The following TENM4 variants were observed in gnomAD, a reference collection of about 807,000 sequenced individuals.
The protein encoded by TENM4 is teneurin-4.
A neutral mutation model predicts 243.3 loss-of-function variants in TENM4; 82 were observed. That is an observed-to-expected ratio of 0.34 (90% CI 0.28 to 0.40). The LOEUF (loss-of-function observed/expected upper bound fraction) is 0.40. TENM4 is among the 10% of genes least tolerant of loss of function. TENM4 has a pLI of 1.00. For synonymous variants in TENM4, 1,412 were observed against 1,456.3 expected (o/e 0.97, Z 0.69); for missense variants, 3,138 against 3,673.3 (o/e 0.85, Z 3.77).
chr11:78,761,376 A>G (rs547010604), intron 18 of TENM4, among the ~76,000 whole-genome samples: 112 of 152,024 alleles, frequency 7.4e-4, no homozygotes, highest in African/African-American at 2.7e-3. Context: ...TGTAGCTGGG[A>G]CTACAGGCAC....
intron 3 of TENM4, among the ~76,000 whole-genome samples, chr11:79,189,589 C>T (rs1475893172): frequency 1.3e-5 from 2 of 152,222 alleles, no homozygotes; most frequent in South Asian, 2.1e-4. Context: ...TCATTTAGCA[C>T]TACTCTCTCT....
rs115886379 is a variant in TENM4, at chr11:78,770,268, G to C, written c.2539+724C>G. 7.1e-3 allele frequency among the ~76,000 whole-genome samples: 1,088 copies of C among 152,256 alleles called. 7 individuals carry two copies. Among genetic ancestry groups the C allele is most frequent in the African/African-American group, 0.025 (1,041 of 41,532 alleles). On this transcript the variant is annotated intron_variant, in intron 18 of 33. Transcript: ENST00000278550. ...ACAGAAAAATGAAGGCTAATTCTAC[G>C]ACTAAGATAAGGACTGAAATGGTAC...
At chr11:79,291,985 C>T (rs2135383062) in intron 2 of TENM4, among the ~76,000 whole-genome samples, 1 of 152,256 alleles carries the variant, frequency 6.6e-6, no homozygotes, top group Admixed American at 6.5e-5. Flanking sequence ...CCTAGTCCTG[C>T]CCAGGTCGTC....
intron 6 of TENM4, among the ~76,000 whole-genome samples, chr11:79,055,054 G>C (rs1401496459): frequency 1.3e-5 from 2 of 150,378 alleles, no homozygotes; most frequent in South Asian, 4.2e-4. Flanking sequence ...TTGAACCCAG[G>C]ATGCAGAGGT....
At chr11:78,955,576 G>A (rs78191407) in intron 6 of TENM4, among the ~76,000 whole-genome samples, 10,761 of 152,202 alleles carry the variant, frequency 0.071, 665 homozygotes, top group East Asian at 0.25. Flanking sequence ...ACATGGAAAA[G>A]TGTTATTTTT....
chr11:78,945,743 GC>G (rs1307725880), intron 6 of TENM4, among the ~76,000 whole-genome samples: 1 of 152,088 alleles, frequency 6.6e-6, no homozygotes, highest in African/African-American at 2.4e-5. Flanking sequence ...TGATAAGAAG[GC>G]AAAACAGCCT....
intron 2 of TENM4, among the ~76,000 whole-genome samples, chr11:79,258,946 C>A (rs375507672): frequency 2.6e-5 from 4 of 152,174 alleles, no homozygotes; most frequent in Admixed American, 6.5e-5. Flanking sequence ...TGGCCCCCCC[C>A]ACCTACTAGC....
chr11:78,795,726 C>T (rs372444285), intron 15 of TENM4, among the ~76,000 whole-genome samples: 3 of 152,128 alleles, frequency 2.0e-5, no homozygotes, highest in Admixed American at 1.3e-4. Context: ...TCCCACAGAC[C>T]AGATCTCCAT....
At chr11:79,330,453 G>T (rs1857043906) in intron 1 of TENM4, among the ~76,000 whole-genome samples, 1 of 152,186 alleles carries the variant, frequency 6.6e-6, no homozygotes, top group Admixed American at 6.5e-5. Flanking sequence ...TGGGCTCTCT[G>T]AGAGTTGATC....
At chr11:79,296,034 T>C (rs1418157515) in intron 2 of TENM4, among the ~76,000 whole-genome samples, 2 of 151,958 alleles carry the variant, frequency 1.3e-5, no homozygotes, top group Non-Finnish European at 2.9e-5. Context: ...TCAACCATGG[T>C]CATAATTCGC....
At chr11:78,668,028 G>T (rs1356313116) in intron 32 of TENM4, among the ~76,000 whole-genome samples, 2 of 152,158 alleles carry the variant, frequency 1.3e-5, no homozygotes, top group African/African-American at 4.8e-5. Context: ...TTGGTTTCAT[G>T]GTAATGGAAG....
At chr11:79,249,970 A>T (rs1590825551) in intron 2 of TENM4, among the ~76,000 whole-genome samples, 2 of 152,122 alleles carry the variant, frequency 1.3e-5, no homozygotes, top group Admixed American at 1.3e-4. Flanking sequence ...CACACTGCCT[A>T]TTTGTGCCCT....
At chr11:79,322,490 A>G (rs1320959054) in intron 1 of TENM4, among the ~76,000 whole-genome samples, 3 of 152,158 alleles carry the variant, frequency 2.0e-5, no homozygotes, top group Non-Finnish European at 4.4e-5. Flanking sequence ...AGGATGTGTC[A>G]CTGTTCTTAG....
chr11:78,748,946 G>C (rs1322579862), intron 19 of TENM4, among the ~76,000 whole-genome samples: 1 of 152,062 alleles, frequency 6.6e-6, no homozygotes, highest in Admixed American at 6.6e-5. Context: ...CCAGCCCAAG[G>C]TCCCATGTTC....
At chr11:79,319,553 T>G (rs959743105) in intron 1 of TENM4, among the ~76,000 whole-genome samples, 3 of 152,150 alleles carry the variant, frequency 2.0e-5, no homozygotes, top group African/African-American at 7.2e-5. Context: ...CAACTTAATG[T>G]TGTTCCACCA....
At chr11:79,194,452 G>C (rs1320871654) in intron 3 of TENM4, among the ~76,000 whole-genome samples, 1 of 152,120 alleles carries the variant, frequency 6.6e-6, no homozygotes, top group African/African-American at 2.4e-5. Context: ...TTGTTGAATG[G>C]CTTTGACAAA....
At chr11:79,009,615 A>C (rs1217909203) in intron 6 of TENM4, among the ~76,000 whole-genome samples, 1 of 152,188 alleles carries the variant, frequency 6.6e-6, no homozygotes, top group Non-Finnish European at 1.5e-5. Flanking sequence ...TTTTTAGGCC[A>C]TAGGATCACT....
chr11:78,891,422 G>GT, intron 7 of TENM4, 86 bp from the exon 8 acceptor site: 1 of 1,256,524 alleles, frequency 8.0e-7, no homozygotes, highest in South Asian at 1.3e-5. Flanking sequence ...GTGGCTGTTT[G>GT]GTGCAGCTGT....
At chr11:78,793,524 G>A (rs1028851287) in intron 15 of TENM4, among the ~76,000 whole-genome samples, 14 of 152,260 alleles carry the variant, frequency 9.2e-5, no homozygotes, top group Middle Eastern at 3.4e-3. Flanking sequence ...TTCCTGCCAC[G>A]ATTTTTTGTT....
Sources: allele counts gnomAD v4.1 joint callset (sites outside exome capture counted in the v4.1 genomes callset), GRCh38; gene constraint gnomAD v4.1.1; transcripts MANE v1.5; gene names NCBI Gene and HGNC (gene_info 2026-07-23, HGNC 2026-07-21).